The following PMVK variants were observed in gnomAD, a reference collection of about 807,000 sequenced individuals.
PMVK encodes testis tissue sperm-binding protein Li 95mP.
PMVK carries 10 observed loss-of-function variants against 19.0 expected under a neutral mutation model. That is an observed-to-expected ratio of 0.53 (90% confidence interval 0.32 to 0.89). The LOEUF is 0.89. Ranked by LOEUF, PMVK falls within the 40% of genes least tolerant of loss-of-function variation. PMVK has a pLI of 0.03. For missense variants in PMVK, 222 were observed against 251.1 expected (o/e 0.88, Z 0.78); for synonymous variants, 108 against 101.6 (o/e 1.06, Z -0.38).
chr1:154,933,754 A>G (rs1367090088), intron 1 of PMVK, among the ~76,000 whole-genome samples: 1 of 151,600 alleles, frequency 6.6e-6, no homozygotes, highest in Non-Finnish European at 1.5e-5. Flanking sequence ...AGCCTCGCAA[A>G]GTGCTGGGAT....
In PMVK at chr1:154,936,655, C is replaced by A; in HGVS notation, c.31G>T (p.Val11Leu). 2 of 1,608,706 alleles carry A rather than the reference C, an allele frequency of 1.2e-6. No homozygotes were observed. Among genetic ancestry groups the A allele is most frequent in the Non-Finnish European group, 1.7e-6 (2 of 1,178,050 alleles). MAPLGGAPRL[V>L]LLFSGKRKSG... is the part of the protein sequence containing the mutation. ...TTCCTCTTGCCGCTGAACAGCAGTA[C>A]CAGCCGCGGGGCGCCTCCCAGCGGG... The change falls in exon 1 of 5, where the codon GTA becomes TTA. Residue 11 changes from valine to leucine, a missense_variant. Coordinates refer to ENST00000368467, the MANE Select transcript of PMVK (RefSeq NM_006556.4).
rs3738024 is a variant in PMVK, at chr1:154,932,207, T to A, written c.159+145A>T. Reference sequence around the variant, plus strand: ...ATAAGCTGAAAATGCCCCCGAAAGGTCCACTCACAGAAAACCAAGAGCTGG... The same window carrying A: ...ATAAGCTGAAAATGCCCCCGAAAGGACCACTCACAGAAAACCAAGAGCTGG... On this transcript the variant is annotated intron_variant, in intron 2 of 4. Transcript: ENST00000368467. 3.5e-5 allele frequency: 24 copies of A among 686,380 alleles called. No individual in the cohort carries two copies. The South Asian group carries it at 3.7e-4, about 11-fold the overall frequency. 42.5% of individuals were successfully genotyped at this position (686,380 alleles called of 1,614,324 possible).
At chr1:154,935,301 C>T (rs1406099627) in intron 1 of PMVK, among the ~76,000 whole-genome samples, 1 of 151,972 alleles carries the variant, frequency 6.6e-6, no homozygotes, top group Admixed American at 6.6e-5. Flanking sequence ...CTGGGCTCTC[C>T]CACACCTTCA....
chr1:154,932,010 A>G (rs1173568520), intron 2 of PMVK, among the ~76,000 whole-genome samples: 1 of 152,024 alleles, frequency 6.6e-6, no homozygotes, highest in Non-Finnish European at 1.5e-5. Flanking sequence ...TCTAGGAGCA[A>G]AGTTCTAGGG....
intron 2 of PMVK, among the ~76,000 whole-genome samples, chr1:154,930,001 G>A (rs927441179): frequency 1.8e-4 from 27 of 152,312 alleles, no homozygotes; most frequent in Non-Finnish European, 3.4e-4. Flanking sequence ...CTCCAGGAGC[G>A]TTGTGGTCTA....
chr1:154,926,340 A>G lies in PMVK; in HGVS notation c.442+14T>C, dbSNP rs751126107. ...GCCTGTGTCCTCCTGTGCCCTACAC[A>G]TAGAGTGGCTCACCTGGCGTGAACA... On this transcript the variant is annotated intron_variant, in intron 4 of 4. Coordinates refer to ENST00000368467, the MANE Select transcript of PMVK (RefSeq NM_006556.4). The G allele has an allele frequency of 6.2e-7, 1 of 1,611,440 alleles. No homozygotes were observed. Among genetic ancestry groups the G allele is most frequent in the South Asian group, 1.1e-5 (1 of 90,660 alleles).
upstream of PMVK, chr1:154,937,054 G>A (rs900893030): frequency 9.6e-6 from 2 of 207,442 alleles, no homozygotes; most frequent in African/African-American, 2.3e-5. Context: ...ACCTTCCTCC[G>A]AGGGGGGTGA....
chr1:154,935,547 A>G (rs910405940), intron 1 of PMVK, among the ~76,000 whole-genome samples: 1 of 152,180 alleles, frequency 6.6e-6, no homozygotes, highest in Non-Finnish European at 1.5e-5. Flanking sequence ...GATAAAGTTG[A>G]ATTTGTTTGG....
Position 154,925,246 on chromosome 1 carries a change from T to A in PMVK, c.462A>T (p.Ser154=). The part of the protein sequence containing the change: ...VFTPGVDDAE[S]ECGLDNFGDF... The stretch of plus-strand genomic sequence containing the variant: ...CCCCGAAGTTGTCCAGGCCACATTC[T>A]GACTCAGCATCGTCCACCCCTATGA... The change falls in exon 5 of 5, where the codon TCA becomes TCT. Residue 154 remains serine, a synonymous_variant. Transcript: ENST00000368467. The A allele has an allele frequency of 3.7e-6, 6 of 1,614,172 alleles. No homozygotes were observed. The highest frequency in any genetic ancestry group is 5.1e-6 in the Non-Finnish European group (6 of 1,179,994).
chr1:154,941,378 C>T (rs1050238135), upstream of PMVK, among the ~76,000 whole-genome samples: 10 of 152,156 alleles, frequency 6.6e-5, no homozygotes, highest in African/African-American at 2.4e-4. Flanking sequence ...TAACAAGGGG[C>T]TTCTGTGGCT....
rs779473545 is a variant in PMVK at position 154,932,435 on chromosome 1, G to A, written c.96-20C>T. On this transcript the variant is annotated intron_variant, in intron 1 of 4. Coordinates refer to ENST00000368467, the MANE Select transcript of PMVK (RefSeq NM_006556.4). ...CCAAGTCTGCAGGACAGGGAGATCA[G>A]AATCCAGTTAGCCTAGAATTTCCAG... 1 of 1,580,794 alleles carries A rather than the reference G, an allele frequency of 6.3e-7. No homozygotes were observed. The highest frequency in any genetic ancestry group is 2.3e-5 in the East Asian group (1 of 43,818).
rs200157729 is a variant in PMVK, at chr1:154,926,383, C to T, written c.413G>A (p.Arg138Gln). 1.2e-5 allele frequency: 20 copies of T among 1,613,584 alleles called. No individual in the cohort carries two copies. The highest frequency in any genetic ancestry group is 9.9e-5 in the South Asian group (9 of 90,996). ...CGTGAACACCCAGCCCCGCTGCTGT[C>T]GGCTCTGCTCCAACGCTACAACGCG... ...TVRVVALEQS[R>Q]QQRGWVFTPG... Residue 138 changes from arginine (R) to glutamine (Q), a missense_variant, in exon 4 of 5, where the codon CGA (arginine) becomes CAA (glutamine). Transcript: ENST00000368467.
intron 3 of PMVK, among the ~76,000 whole-genome samples, chr1:154,928,294 T>A (rs967157704): frequency 6.6e-6 from 1 of 152,112 alleles, no homozygotes; most frequent in Non-Finnish European, 1.5e-5. Context: ...TCGACTGACT[T>A]GAGGACCAAG....
intron 3 of PMVK, among the ~76,000 whole-genome samples, chr1:154,928,449 G>A (rs1036060582): frequency 3.3e-5 from 5 of 152,180 alleles, no homozygotes; most frequent in African/African-American, 9.7e-5. Flanking sequence ...CTAAACAGAA[G>A]AGTGACATCA....
At chr1:154,934,465 C>T (rs1654439947) in intron 1 of PMVK, among the ~76,000 whole-genome samples, 1 of 152,114 alleles carries the variant, frequency 6.6e-6, no homozygotes, top group Non-Finnish European at 1.5e-5. Flanking sequence ...TACTGGCATG[C>T]ACCACCATAC....
chr1:154,933,494 T>C (rs1654405166), intron 1 of PMVK, among the ~76,000 whole-genome samples: 1 of 143,454 alleles, frequency 7.0e-6, no homozygotes, highest in Non-Finnish European at 1.5e-5. Context: ...ACCAACCTTT[T>C]TTTTTTTTTT....
chr1:154,929,634 C>T (rs1230653433), intron 2 of PMVK, among the ~76,000 whole-genome samples: 1 of 152,126 alleles, frequency 6.6e-6, no homozygotes, highest in Non-Finnish European at 1.5e-5. Context: ...TCTCCTTTCT[C>T]TCCCCCTTAC....
At chr1:154,934,308 CTTTGT>C (rs1350275267) in intron 1 of PMVK, among the ~76,000 whole-genome samples, 1 of 152,018 alleles carries the variant, frequency 6.6e-6, no homozygotes, top group Non-Finnish European at 1.5e-5. Flanking sequence ...GATAAGTGTT[CTTTGT>C]TTTGTTTTGG....
At chr1:154,928,970 C>T (rs1481355307) in intron 3 of PMVK, 54 bp downstream of exon 3, 6 of 1,549,228 alleles carry the variant, frequency 3.9e-6, no homozygotes, top group Non-Finnish European at 5.3e-6. Context: ...GAGATGGACA[C>T]AGCGAAGAGC....
Sources: gnomAD v4.1 joint callset for allele counts (sites outside exome capture counted in the v4.1 genomes callset) on GRCh38, gnomAD v4.1.1 for gene constraint, MANE v1.5 for transcripts, NCBI Gene and HGNC (gene_info 2026-07-23, HGNC 2026-07-21) for gene names.